The following SYNPR variants were observed in gnomAD, a reference collection of about 807,000 sequenced individuals.
SYNPR encodes the protein synaptoporin.
SYNPR carries 23 observed loss-of-function variants against 32.9 expected under a neutral mutation model. The ratio of observed to expected loss-of-function variants is 0.70; its 90% CI spans 0.50 to 0.99. The LOEUF is 0.99. Among genes scored for constraint, SYNPR ranks in the 50% least tolerant of loss-of-function variants. The pLI is 0.00. For missense variants in SYNPR, 318 were observed against 349.3 expected (o/e 0.91, Z 0.71); for synonymous variants, 146 against 135.9 (o/e 1.07, Z -0.52).
intron 3 of SYNPR, among the ~76,000 whole-genome samples, chr3:63,491,211 T>C (rs1215736632): frequency 6.6e-6 from 1 of 152,174 alleles, no homozygotes; most frequent in Non-Finnish European, 1.5e-5. Flanking sequence ...ATAATCCCAC[T>C]ACATGGAATA....
intron 5 of SYNPR, among the ~76,000 whole-genome samples, chr3:63,610,832 T>C (rs1215181480): frequency 6.6e-6 from 1 of 152,182 alleles, no homozygotes; most frequent in Non-Finnish European, 1.5e-5. Flanking sequence ...ATTCCACTTC[T>C]GATATATCTA....
chr3:63,435,015 T>C (rs1700055969), intron 2 of SYNPR, among the ~76,000 whole-genome samples: 2 of 152,206 alleles, frequency 1.3e-5, no homozygotes. Context: ...GAAGAGTAGA[T>C]AATTATATCT....
At chr3:63,471,679 TCGCTTTTTTA>T (rs1700801906) in intron 2 of SYNPR, among the ~76,000 whole-genome samples, 1 of 152,198 alleles carries the variant, frequency 6.6e-6, no homozygotes. Context: ...TACATATTCC[TCGCTTTTTTA>T]TGGCTACTAT....
intron 2 of SYNPR, among the ~76,000 whole-genome samples, chr3:63,446,470 G>A (rs568999613): frequency 1.3e-5 from 2 of 151,998 alleles, no homozygotes; most frequent in African/African-American, 2.4e-5. Flanking sequence ...TTGCACCTGA[G>A]CAGTGGGCTC....
At chr3:63,363,355 C>G (rs906305524) in intron 2 of SYNPR, among the ~76,000 whole-genome samples, 2 of 152,164 alleles carry the variant, frequency 1.3e-5, no homozygotes, top group Non-Finnish European at 2.9e-5. Context: ...GTTAAAACCA[C>G]CTTTCAGGAT....
chr3:63,522,411 T>C (rs983921321), intron 3 of SYNPR, among the ~76,000 whole-genome samples: 5 of 152,356 alleles, frequency 3.3e-5, no homozygotes, highest in South Asian at 4.1e-4. Flanking sequence ...TGGACACTTT[T>C]GGACCTCTTA....
At chr3:63,493,288 A>C (rs182392671) in intron 3 of SYNPR, among the ~76,000 whole-genome samples, 24 of 152,230 alleles carry the variant, frequency 1.6e-4, no homozygotes, top group Non-Finnish European at 3.1e-4. Flanking sequence ...GCAAGTATTC[A>C]AACTGACTCG....
At chr3:63,236,383 T>G (rs1367169894) in intron 1 of SYNPR, among the ~76,000 whole-genome samples, 1 of 152,118 alleles carries the variant, frequency 6.6e-6, no homozygotes, top group Non-Finnish European at 1.5e-5. Context: ...TACATATATA[T>G]TAGCATAAGT....
chr3:63,512,025 T>C (rs1341643054), intron 3 of SYNPR, among the ~76,000 whole-genome samples: 2 of 150,768 alleles, frequency 1.3e-5, no homozygotes, highest in African/African-American at 4.8e-5. Context: ...CGAACATATC[T>C]GATTACTGAC....
chr3:63,597,001 A>C (rs1559547169), intron 4 of SYNPR, among the ~76,000 whole-genome samples: 2 of 152,170 alleles, frequency 1.3e-5, no homozygotes, highest in Non-Finnish European at 2.9e-5. Flanking sequence ...AAAATGGCAT[A>C]CTAATAATTT....
intron 2 of SYNPR, among the ~76,000 whole-genome samples, chr3:63,399,724 T>C (rs1290691308): frequency 1.3e-5 from 2 of 152,182 alleles, no homozygotes; most frequent in East Asian, 3.9e-4. Context: ...GTGCCAAGTT[T>C]ACTCCCTCCC....
intron 2 of SYNPR, among the ~76,000 whole-genome samples, chr3:63,466,979 T>C (rs1332412093): frequency 3.9e-5 from 6 of 152,146 alleles, no homozygotes; most frequent in Non-Finnish European, 8.8e-5. Flanking sequence ...TCTTCATTAT[T>C]AGCTGAATAC....
At chr3:63,600,193 G>A (rs549732617) in intron 4 of SYNPR, among the ~76,000 whole-genome samples, 179 of 152,336 alleles carry the variant, frequency 1.2e-3, no homozygotes, top group African/African-American at 4.2e-3. Flanking sequence ...ATGTTGGTAA[G>A]CACTTAGCAG....
chr3:63,604,429 G>A (rs1164355123), intron 4 of SYNPR, among the ~76,000 whole-genome samples: 1 of 152,054 alleles, frequency 6.6e-6, no homozygotes, highest in Non-Finnish European at 1.5e-5. Context: ...CTCTAGTTGT[G>A]ATATTAGGTT....
At chr3:63,360,052 C>T (rs533904730) in intron 2 of SYNPR, among the ~76,000 whole-genome samples, 2 of 152,290 alleles carry the variant, frequency 1.3e-5, no homozygotes, top group Admixed American at 1.3e-4. Context: ...AAAATCTAGA[C>T]TTATGCATCA....
intron 3 of SYNPR, among the ~76,000 whole-genome samples, chr3:63,518,957 G>A (rs1559524129): frequency 6.6e-6 from 1 of 152,118 alleles, no homozygotes; most frequent in Non-Finnish European, 1.5e-5. Flanking sequence ...TTTGTTGAGG[G>A]TTTTTAACAT....
chr3:63,549,427 A>G (rs990536624), intron 3 of SYNPR, among the ~76,000 whole-genome samples: 5 of 151,878 alleles, frequency 3.3e-5, no homozygotes, highest in African/African-American at 4.8e-5. Context: ...GGCTCCTTCT[A>G]CTCTTCTTAC....
intron 2 of SYNPR, among the ~76,000 whole-genome samples, chr3:63,295,496 C>T (rs1009802214): frequency 1.3e-5 from 2 of 152,158 alleles, no homozygotes; most frequent in East Asian, 1.9e-4. Context: ...AATTCCGAAC[C>T]GCTCCCAGAG....
At chr3:63,283,879 G>A (rs111687155) in intron 2 of SYNPR, among the ~76,000 whole-genome samples, 10,336 of 141,474 alleles carry the variant, frequency 0.073, 390 homozygotes, top group African/African-American at 0.099. Flanking sequence ...GCGCAATGGC[G>A]CCAACTCAGC....
Sources: gnomAD v4.1 joint callset for allele counts (sites outside exome capture counted in the v4.1 genomes callset) on GRCh38, gnomAD v4.1.1 for gene constraint, MANE v1.5 for transcripts, NCBI Gene and HGNC (gene_info 2026-07-23, HGNC 2026-07-21) for gene names.